The following MBNL3 variants were observed in gnomAD, a reference collection of about 807,000 sequenced individuals.
MBNL3 encodes the protein muscleblind like splicing regulator 3.
Under a neutral mutation model 24.5 loss-of-function variants are expected in MBNL3, and 6 were observed. The ratio of observed to expected loss-of-function variants is 0.25; its 90% CI spans 0.13 to 0.48. MBNL3 has a LOEUF of 0.48. Among genes scored for constraint, MBNL3 ranks in the 20% least tolerant of loss-of-function variants. The probability of loss-of-function intolerance (pLI) is 0.99; values close to 1 mark genes in which losing one functional copy is unlikely to be tolerated. For missense variants in MBNL3, 230 were observed against 293.5 expected (o/e 0.78, Z 1.58); for synonymous variants, 100 against 101.7 (o/e 0.98, Z 0.10).
chrX:132,376,459 T>C lies in MBNL3; in HGVS notation c.*3207A>G, dbSNP rs1010259103. 2.7e-5 allele frequency: 3 copies of C among 111,806 alleles called. No individual in the cohort carries two copies. Among genetic ancestry groups the C allele is most frequent in the African/African-American group, 9.7e-5 (3 of 30,845 alleles). The allele number at this position is 111,806 out of a possible 1,213,427, so 9.2% of individuals were successfully genotyped here. On this transcript the variant is annotated 3_prime_UTR_variant, in exon 9 of 9. Coordinates refer to ENST00000370853, the MANE Select transcript of MBNL3 (RefSeq NM_001386889.1). ...ACCCTCTTAAAGATAACTTTTAGAT[T>C]ATTTTCTCTGTATACATGACCCGTT... is the stretch of plus-strand genomic sequence containing the variant.
intron 3 of MBNL3, among the ~76,000 whole-genome samples, chrX:132,396,521 C>CAT (rs1164130715): frequency 1.7e-4 from 8 of 48,117 alleles, no homozygotes; most frequent in Non-Finnish European, 2.1e-4. Context: ...CATATATATT[C>CAT]ATATATATAT....
rs1179488862 is a variant in MBNL3, at chrX:132,481,107, CCTCA to C, written c.-704+7740_-704+7743del. Among the ~76,000 whole-genome samples the C allele has an allele frequency of 1.1e-4, 12 of 112,040 alleles. No homozygotes were observed. The East Asian group carries it at 2.5e-3, about 24-fold the overall frequency. ...TTAAAAGCAAATCAGCCAGCTGTGG[CCTCA>C]CTAAGTTATGAGGGAGCCCAGTGCA... On this transcript the variant is annotated intron_variant, in intron 1 of 8. Coordinates refer to ENST00000370853, the MANE Select transcript of MBNL3 (RefSeq NM_001386889.1).
At chrX:132,421,429 G>A (rs1603234643) in intron 2 of MBNL3, among the ~76,000 whole-genome samples, 1 of 111,313 alleles carries the variant, frequency 9.0e-6, no homozygotes, top group African/African-American at 3.3e-5. Context: ...AGGAAACTGA[G>A]GACACTTCTC....
chrX:132,433,663 C>T (rs1294677419), intron 2 of MBNL3, among the ~76,000 whole-genome samples: 1 of 112,022 alleles, frequency 8.9e-6, no homozygotes, highest in Non-Finnish European at 1.9e-5. Flanking sequence ...GCTTGCTTTC[C>T]CCCGATTATG....
chrX:132,477,288 A>G (rs1340083410), intron 1 of MBNL3, among the ~76,000 whole-genome samples: 3 of 112,257 alleles, frequency 2.7e-5, no homozygotes, highest in Non-Finnish European at 3.8e-5. Context: ...TAAATGTATT[A>G]TATCTGAGGA....
At chrX:132,434,687 G>A (rs989150182) in intron 2 of MBNL3, among the ~76,000 whole-genome samples, 8 of 111,975 alleles carry the variant, frequency 7.1e-5, no homozygotes, top group African/African-American at 1.9e-4. Context: ...AAGGTGAGAT[G>A]TATTTTACAG....
chrX:132,397,854 G>A (rs962400929), intron 3 of MBNL3, among the ~76,000 whole-genome samples: 4 of 110,600 alleles, frequency 3.6e-5, no homozygotes, highest in Admixed American at 9.8e-5. Context: ...GTAATGTTCC[G>A]TGGGGACTGA....
intron 2 of MBNL3, chrX:132,413,640 C>T (rs1943022898): frequency 3.8e-6 from 4 of 1,050,351 alleles, no homozygotes; most frequent in Admixed American, 3.9e-5. Flanking sequence ...AATTTTTGAT[C>T]CATAGCTCCT....
chrX:132,377,009 G>A lies in MBNL3; in HGVS notation c.*2657C>T, dbSNP rs1603014843. 2 of 111,530 alleles carry A rather than the reference G, an allele frequency of 1.8e-5. No homozygotes were observed. Among genetic ancestry groups the A allele is most frequent in the Admixed American group, 9.5e-5 (1 of 10,476 alleles). The allele number at this position is 111,530 out of a possible 1,213,427, so 9.2% of individuals were successfully genotyped here. On this transcript the variant is annotated 3_prime_UTR_variant, in exon 9 of 9. Coordinates refer to ENST00000370853, the MANE Select transcript of MBNL3 (RefSeq NM_001386889.1). ...TTGTTAATGTCTTCCAGTGCTTAAC[G>A]CAACATGAAAACAGCTGTACTGTAG...
In MBNL3 at chrX:132,477,316, A is replaced by G. The variant is rs142486211; in HGVS notation, c.-704+11535T>C. 8.0e-3 allele frequency among the ~76,000 whole-genome samples: 903 copies of G among 112,226 alleles called. 5 individuals carry two copies. The highest frequency in any genetic ancestry group is 0.028 in the African/African-American group (853 of 30,889). Reference sequence around the variant, plus strand: ...TCTGAGGAGGGAGATACAAACTCACAATGACAGAGTTTAGTCACTAACTCA... The same window carrying G: ...TCTGAGGAGGGAGATACAAACTCACGATGACAGAGTTTAGTCACTAACTCA... On this transcript the variant is annotated intron_variant, in intron 1 of 8. Coordinates refer to ENST00000370853, the MANE Select transcript of MBNL3 (RefSeq NM_001386889.1).
rs1941814140 is a variant in MBNL3 at position 132,406,267 on chromosome X, C to T, written c.303G>A (p.Gln101=). ...QKTAAAMFAQ[Q]MQLMLQNAQM... ...GAGCGTTTTGGAGCATAAGCTGCAT[C>T]TGCTGGGCGAACATGGCTGCGGCAG... The change falls in exon 3 of 9, where the codon CAG becomes CAA. Residue 101 remains glutamine (Q), a synonymous_variant. Coordinates refer to ENST00000370853, the MANE Select transcript of MBNL3 (RefSeq NM_001386889.1). The T allele has an allele frequency of 8.3e-7, 1 of 1,211,831 alleles. No individual in the cohort carries two copies. Among genetic ancestry groups the T allele is most frequent in the Middle Eastern group, 2.3e-4 (1 of 4,355 alleles).
chrX:132,454,244 CACAT>C (rs1278274105), intron 1 of MBNL3, among the ~76,000 whole-genome samples: 1 of 109,227 alleles, frequency 9.2e-6, no homozygotes, highest in Non-Finnish European at 1.9e-5. Flanking sequence ...CACACACACA[CACAT>C]ACACACACAC....
intron 1 of MBNL3, among the ~76,000 whole-genome samples, chrX:132,444,489 A>G (rs1263325489): frequency 9.0e-6 from 1 of 111,366 alleles, no homozygotes; most frequent in Admixed American, 9.6e-5. Context: ...AAAATATGAA[A>G]TTCCCAGATG....
intron 1 of MBNL3, among the ~76,000 whole-genome samples, chrX:132,473,665 A>T (rs1021701285): frequency 1.8e-5 from 2 of 111,411 alleles, no homozygotes; most frequent in African/African-American, 6.5e-5. Context: ...ATGTTTATAT[A>T]TATTTTTAGG....
intron 5 of MBNL3, 83 bp from the exon 6 acceptor site, chrX:132,386,894 T>C: frequency 1.9e-6 from 2 of 1,047,833 alleles, no homozygotes; most frequent in Non-Finnish European, 2.6e-6. Flanking sequence ...ATAAGGTATT[T>C]CCTGGGAATC....
rs1159965213 is a variant in MBNL3 at position 132,371,207 on chromosome X, C to A, written c.*8459G>T. ...AGAACTATGTATAGGGCAGCTGACA[C>A]TTGACAAGGACCCAACCTCCTCCCC... On this transcript the variant is annotated 3_prime_UTR_variant, in exon 9 of 9. Coordinates refer to ENST00000370853, the MANE Select transcript of MBNL3 (RefSeq NM_001386889.1). The A allele has an allele frequency of 1.8e-5, 2 of 110,680 alleles. No individual in the cohort carries two copies. Among genetic ancestry groups the A allele is most frequent in the African/African-American group, 6.6e-5 (2 of 30,377 alleles). 9.1% of individuals were successfully genotyped at this position (110,680 alleles called of 1,213,427 possible).
chrX:132,435,626 T>G (rs1261176933), intron 2 of MBNL3, among the ~76,000 whole-genome samples: 1 of 112,250 alleles, frequency 8.9e-6, no homozygotes, highest in Non-Finnish European at 1.9e-5. Context: ...CTTATAATAT[T>G]TGACAAGGTT....
In MBNL3 at chrX:132,406,406, A is replaced by G. The variant is rs1381300937; in HGVS notation, c.178-14T>C. 3 of 1,163,604 alleles carry G rather than the reference A, an allele frequency of 2.6e-6. No homozygotes were observed. Among genetic ancestry groups the G allele is most frequent in the Non-Finnish European group, 2.3e-6 (2 of 870,314 alleles). On this transcript the variant is annotated splice_polypyrimidine_tract_variant and intron_variant, in intron 2 of 8. Transcript: ENST00000370853. ...GGTACACCGACCCTGACAATGAAGA[A>G]TAGGGAAAATATTAAATTAAAACTA...
chrX:132,400,378 T>C (rs1468461602), intron 3 of MBNL3, among the ~76,000 whole-genome samples: 1 of 111,598 alleles, frequency 9.0e-6, no homozygotes, highest in East Asian at 2.8e-4. Context: ...AGGGGATTTA[T>C]TTTGTTTTAA....
Sources: gnomAD v4.1 joint callset for allele counts (sites outside exome capture counted in the v4.1 genomes callset) on GRCh38, gnomAD v4.1.1 for gene constraint, MANE v1.5 for transcripts, NCBI Gene and HGNC (gene_info 2026-07-23, HGNC 2026-07-21) for gene names.